Variants in SASH1 observed in about 807,000 individuals in gnomAD.
The protein encoded by SASH1 is SAM and SH3 domain-containing protein 1.
In SASH1, 44 loss-of-function variants were observed where a neutral mutation model predicts 125.2. That is an observed-to-expected ratio of 0.35 (90% confidence interval 0.28 to 0.45). The LOEUF is 0.45. Ranked by LOEUF, SASH1 falls within the 20% of genes least tolerant of loss-of-function variation. SASH1 has a pLI of 1.00. For missense variants in SASH1, 1,426 were observed against 1,614.5 expected, an observed-to-expected ratio of 0.88 and a Z score of 2.00; for synonymous variants, 639 against 649.1, an observed-to-expected ratio of 0.98 and a Z score of 0.24.
intron 1 of SASH1, among the ~76,000 whole-genome samples, chr6:148,370,077 A>G (rs1198350642): frequency 6.6e-6 from 1 of 150,556 alleles, no homozygotes; most frequent in Non-Finnish European, 1.5e-5. Flanking sequence ...GTTAATAACA[A>G]ATAGCATTTT....
In SASH1 at chr6:148,406,979, C is replaced by T. The variant is rs140701781; in HGVS notation, c.285+16717C>T. ...CTCCAAGGGTCTAGGAAAGCCTAGTCCATGGCAGGAGTGGTATAGAGGAGG... is the reference window on the plus strand; with the variant it reads ...CTCCAAGGGTCTAGGAAAGCCTAGTTCATGGCAGGAGTGGTATAGAGGAGG... On this transcript the variant is annotated intron_variant, in intron 2 of 19. Transcript: ENST00000367467. Among the ~76,000 whole-genome samples the T allele has an allele frequency of 5.6e-4, 85 of 152,212 alleles. 1 individual carries two copies. Among genetic ancestry groups the T allele is most frequent in the African/African-American group, 2.0e-3 (83 of 41,526 alleles).
At chr6:148,360,483 G>A (rs1782147038) in intron 1 of SASH1, among the ~76,000 whole-genome samples, 1 of 152,004 alleles carries the variant, frequency 6.6e-6, no homozygotes, top group African/African-American at 2.4e-5. Context: ...GAATAGCTGG[G>A]ATTACAGGCA....
chr6:148,484,646 TA>T (rs5880783), intron 7 of SASH1, among the ~76,000 whole-genome samples: 60,877 of 151,066 alleles, frequency 0.4, 13,299 homozygotes, highest in East Asian at 0.61. Context: ...TTAGGATAAT[TA>T]AAAAAAACAG....
chr6:148,539,085 G>A (rs561675144), intron 16 of SASH1, among the ~76,000 whole-genome samples: 5 of 149,228 alleles, frequency 3.4e-5, no homozygotes, highest in South Asian at 2.1e-4. Flanking sequence ...AGAAGCGTCC[G>A]ATGCTGCTTT....
At position 148,548,562 on chromosome 6, in the gene SASH1, G is replaced by A. The variant is rs757306103; in HGVS notation, c.*4G>A. The stretch of plus-strand genomic sequence containing the variant: ...GCCAGGCCCTGAGGCCATGTAGCCA[G>A]GCCCGGAATGGGCCTCTCTGGACAA... On this transcript the variant is annotated 3_prime_UTR_variant, in exon 20 of 20. Transcript: ENST00000367467. 42 of 1,588,054 alleles carry A rather than the reference G, an allele frequency of 2.6e-5. No individual in the cohort carries two copies. Among genetic ancestry groups the A allele is most frequent in the Admixed American group, 5.3e-5 (3 of 56,652 alleles).
At chr6:148,482,706 T>TGA (rs36016318) in intron 7 of SASH1, among the ~76,000 whole-genome samples, 3 of 144,314 alleles carry the variant, frequency 2.1e-5, no homozygotes, top group Admixed American at 1.4e-4. Context: ...TTTTTTTTTT[T>TGA]GAGAGAGAGT....
In SASH1 at chr6:148,529,572, C is replaced by T. The variant is rs1781387959; in HGVS notation, c.1429-1954C>T. Among the ~76,000 whole-genome samples the T allele has an allele frequency of 8.1e-6, 1 of 123,018 alleles. No individual in the cohort carries two copies. Among genetic ancestry groups the T allele is most frequent in the South Asian group, 2.3e-4 (1 of 4,376 alleles). 80.7% of individuals were successfully genotyped at this position (123,018 alleles called of 152,430 possible). A position where few individuals can be genotyped will look rare whatever the true frequency, so the allele number is the denominator to read the frequency against. ...AGATAGATTGAAACAGCCACTAAAA[C>T]TCTTAAGCTTTACGTTCACAGAGGT... On this transcript the variant is annotated intron_variant, in intron 12 of 19. Coordinates refer to ENST00000367467, the MANE Select transcript of SASH1 (RefSeq NM_015278.5). The surrounding 1 kb of genome is among the most constrained non-coding windows in gnomAD (Gnocchi z 4.2).
chr6:148,246,570 A>G, the SASH1 span, among the ~76,000 whole-genome samples: 1 of 152,210 alleles, frequency 6.6e-6, no homozygotes, highest in African/African-American at 2.4e-5. Flanking sequence ...AGGAGTTTCA[A>G]TCCTCCTAAA....
chr6:148,216,766 T>G, the SASH1 span, among the ~76,000 whole-genome samples: 1 of 152,084 alleles, frequency 6.6e-6, no homozygotes, highest in African/African-American at 2.4e-5. Context: ...AGTCACGCTC[T>G]GTCTCCCAGG....
the SASH1 span, among the ~76,000 whole-genome samples, chr6:148,208,578 A>C: frequency 6.6e-6 from 1 of 152,198 alleles, no homozygotes; most frequent in Non-Finnish European, 1.5e-5. Context: ...AAAGTGTAAT[A>C]AATCATGGCA....
chr6:148,541,125 G>A (rs1416349406), intron 17 of SASH1, among the ~76,000 whole-genome samples: 1 of 151,988 alleles, frequency 6.6e-6, no homozygotes, highest in African/African-American at 2.4e-5. Context: ...TGGCTTTGTG[G>A]TTTCCTGTTG....
the SASH1 span, among the ~76,000 whole-genome samples, chr6:148,261,840 GGAAGTGATCT>G: frequency 2.0e-5 from 3 of 152,140 alleles, no homozygotes; most frequent in African/African-American, 7.2e-5. Context: ...AGAGAAAGGA[GGAAGTGATCT>G]GAAATTAGGC....
chr6:148,256,028 G>A, the SASH1 span, among the ~76,000 whole-genome samples: 6 of 152,122 alleles, frequency 3.9e-5, no homozygotes, highest in Non-Finnish European at 7.4e-5. Context: ...TGTCCCTTTC[G>A]TAGTGGTAAT....
chr6:148,486,528 A>G (rs1355732636), intron 7 of SASH1, among the ~76,000 whole-genome samples: 1 of 152,140 alleles, frequency 6.6e-6, no homozygotes, highest in East Asian at 1.9e-4. Context: ...ACCATCCTCA[A>G]AGGTCTCCAA....
intron 2 of SASH1, among the ~76,000 whole-genome samples, chr6:148,405,419 A>T (rs1325695014): frequency 6.6e-6 from 1 of 152,092 alleles, no homozygotes; most frequent in Non-Finnish European, 1.5e-5. Context: ...AGGAAAACAG[A>T]AAGTTCTGCC....
chr6:148,330,206 GTTGTTCACCCA>G (rs1338446393), intron 1 of SASH1, among the ~76,000 whole-genome samples: 3 of 152,140 alleles, frequency 2.0e-5, no homozygotes, highest in African/African-American at 4.8e-5. Context: ...GTGTGGTGTT[GTTGTTCACCCA>G]AAGTATTGTG....
intron 1 of SASH1, among the ~76,000 whole-genome samples, chr6:148,285,225 A>G (rs1179786858): frequency 6.6e-6 from 1 of 152,204 alleles, no homozygotes; most frequent in Non-Finnish European, 1.5e-5. Flanking sequence ...GTTGAGCCCC[A>G]CAGAAAGACT....
intron 1 of SASH1, among the ~76,000 whole-genome samples, chr6:148,386,339 TATAA>T (rs1253996670): frequency 1.3e-5 from 2 of 152,214 alleles, no homozygotes; most frequent in Non-Finnish European, 2.9e-5. Context: ...ATAAATAATA[TATAA>T]ATAGTTTTTT....
At chr6:148,407,352 T>C (rs1361351082) in intron 2 of SASH1, among the ~76,000 whole-genome samples, 1 of 152,266 alleles carries the variant, frequency 6.6e-6, no homozygotes, top group Non-Finnish European at 1.5e-5. Flanking sequence ...TGTGACTGTT[T>C]TTTTTCACTT....
Sources: allele counts gnomAD v4.1 joint callset (sites outside exome capture counted in the v4.1 genomes callset), GRCh38; gene constraint gnomAD v4.1.1; non-coding constraint Gnocchi (gnomAD v3.1); transcripts MANE v1.5; gene names NCBI Gene and HGNC (gene_info 2026-07-23, HGNC 2026-07-21).